Variants in SYNPO observed in about 807,000 individuals in gnomAD.
SYNPO encodes the protein synaptopodin.
In SYNPO, 19 loss-of-function variants were observed where a neutral mutation model predicts 49.5. That is an observed-to-expected ratio of 0.38 (90% confidence interval 0.27 to 0.56). The LOEUF (loss-of-function observed/expected upper bound fraction) is 0.56. Among genes scored for constraint, SYNPO ranks in the 20% least tolerant of loss-of-function variants. SYNPO has a pLI of 0.68. For synonymous variants in SYNPO, 536 were observed against 548.0 expected (o/e 0.98, Z 0.31); for missense variants, 1,131 against 1,248.3 (o/e 0.91, Z 1.42).
chr5:150,586,049 G>T, the SYNPO span, among the ~76,000 whole-genome samples: 1 of 152,262 alleles, frequency 6.6e-6, no homozygotes. Flanking sequence ...GGCTCTGAAG[G>T]TCCTCAGGAT....
intron 2 of SYNPO, among the ~76,000 whole-genome samples, chr5:150,628,149 C>T (rs560003381): frequency 6.6e-6 from 1 of 152,044 alleles, no homozygotes; most frequent in Non-Finnish European, 1.5e-5. Context: ...AACATGGAAG[C>T]AGCCTGTAGG....
intron 2 of SYNPO, among the ~76,000 whole-genome samples, chr5:150,621,334 A>G (rs1028006838): frequency 2.0e-5 from 3 of 152,156 alleles, no homozygotes; most frequent in Non-Finnish European, 2.9e-5. Flanking sequence ...GGCAGAAAAG[A>G]CTTCAGAAGG....
chr5:150,624,867 G>C lies in SYNPO; in HGVS notation c.400+6100G>C. 1.4e-5 allele frequency: 14 copies of C among 985,236 alleles called. No homozygotes were observed. The South Asian group carries it at 6.3e-4, about 45-fold the overall frequency. 61.0% of individuals were successfully genotyped at this position (985,236 alleles called of 1,614,324 possible). On this transcript the variant is annotated intron_variant, in intron 2 of 2. Coordinates refer to the SYNPO transcript ENST00000394243. ...GGACGCGGCCAGGTGTGCCGAGGCG[G>C]CGGCGCCCGGGAGCTCGGGGACCGT...
At chr5:150,603,602 G>A (rs1339384199) in intron 1 of SYNPO, among the ~76,000 whole-genome samples, 3 of 152,206 alleles carry the variant, frequency 2.0e-5, no homozygotes, top group East Asian at 3.8e-4. Context: ...TGCAGCTCTC[G>A]GGACCATTCT....
rs761150754 is a variant in SYNPO, at chr5:150,649,697, C to T, written c.1422C>T (p.Ser474=). 13 of 1,611,878 alleles carry T rather than the reference C, an allele frequency of 8.1e-6. No individual in the cohort carries two copies. In the Admixed American group the frequency reaches 1.2e-4, roughly 14 times the overall value. ...KPKPKPNQNL[S]EASGKGAELY... ...AGCCCAAACCCAACCAGAACCTCTC[C>T]GAGGCCTCTGGGAAGGGAGCTGAGC... Residue 474 remains serine, a synonymous_variant, in exon 2 of 3, where the codon TCC becomes TCT. Coordinates refer to ENST00000307662, the MANE Select transcript of SYNPO (RefSeq NM_007286.6).
At chr5:150,608,777 G>A (rs560025496) in intron 1 of SYNPO, among the ~76,000 whole-genome samples, 40 of 152,278 alleles carry the variant, frequency 2.6e-4, no homozygotes, top group Middle Eastern at 3.4e-3. Flanking sequence ...TTTGTCTGGG[G>A]TGTGGCCAGA....
In SYNPO at chr5:150,633,209, T is replaced by C. The variant is rs1480128793; in HGVS notation, c.400+14442T>C. Among the ~76,000 whole-genome samples, 5 of 152,308 alleles carry C rather than the reference T, an allele frequency of 3.3e-5. No individual in the cohort carries two copies. In the East Asian group the frequency reaches 5.8e-4, roughly 18 times the overall value. On this transcript the variant is annotated intron_variant, in intron 2 of 2. Transcript: ENST00000394243. ...GCCAGAGAGCTAATGTGCAGTAGTA[T>C]AGGTTTCAGGCCTTTGCCTGTGTGA...
At chr5:150,638,428 G>A (rs1757790187), upstream of SYNPO, among the ~76,000 whole-genome samples, 1 of 152,162 alleles carries the variant, frequency 6.6e-6, no homozygotes, top group Admixed American at 6.5e-5. Flanking sequence ...ATGAATCTTG[G>A]ATTTAGACAA....
At chr5:150,610,661 C>T (rs181592419) in intron 1 of SYNPO, among the ~76,000 whole-genome samples, 420 of 151,664 alleles carry the variant, frequency 2.8e-3, no homozygotes, top group Non-Finnish European at 4.7e-3. Context: ...TGAGCATGTA[C>T]ACAGGTTACC....
the SYNPO span, among the ~76,000 whole-genome samples, chr5:150,588,233 A>G: frequency 0.021 from 3,163 of 152,294 alleles, 85 homozygotes; most frequent in African/African-American, 0.062. Context: ...CTCTTGAGCC[A>G]GCCTGGCCAC....
chr5:150,614,278 A>G (rs1485783652), intron 1 of SYNPO, among the ~76,000 whole-genome samples: 1 of 152,206 alleles, frequency 6.6e-6, no homozygotes, highest in African/African-American at 2.4e-5. Context: ...TGCCAAAGCC[A>G]GTGCCCTTCC....
At chr5:150,613,109 C>T (rs1426172375) in intron 1 of SYNPO, among the ~76,000 whole-genome samples, 1 of 152,214 alleles carries the variant, frequency 6.6e-6, no homozygotes, top group East Asian at 1.9e-4. Flanking sequence ...CCTGTGCCAG[C>T]TGCTGAAGAA....
chr5:150,608,032 C>T (rs928247768), intron 1 of SYNPO, among the ~76,000 whole-genome samples: 2 of 152,208 alleles, frequency 1.3e-5, no homozygotes, highest in Non-Finnish European at 2.9e-5. Flanking sequence ...CCATGTTGGA[C>T]GGCACAGTGC....
chr5:150,587,242 G>A, the SYNPO span, among the ~76,000 whole-genome samples: 2 of 152,082 alleles, frequency 1.3e-5, no homozygotes, highest in African/African-American at 4.8e-5. Context: ...GTGGATGGAT[G>A]GATGGATATA....
chr5:150,622,088 G>C (rs888991663), intron 2 of SYNPO, among the ~76,000 whole-genome samples: 4 of 152,226 alleles, frequency 2.6e-5, no homozygotes, highest in African/African-American at 4.8e-5. Context: ...CTGGAACCCA[G>C]GGCTTATGCC....
intron 1 of SYNPO, 117 bp from the exon 2 acceptor site, chr5:150,647,827 C>A: frequency 1.1e-6 from 1 of 939,630 alleles, no homozygotes; most frequent in Non-Finnish European, 1.6e-6. Flanking sequence ...GATTAAATTC[C>A]AGAAGAGATC....
intron 2 of SYNPO, among the ~76,000 whole-genome samples, chr5:150,656,197 C>G (rs1758543891): frequency 6.6e-6 from 1 of 152,076 alleles, no homozygotes; most frequent in Non-Finnish European, 1.5e-5. Flanking sequence ...CTTCTTAACA[C>G]GGAGGCAGAC....
chr5:150,656,742 A>T lies in SYNPO; in HGVS notation c.2367A>T (p.Pro789=), dbSNP rs554668244. ...NPRPFSPPRA[P]PPPPPPPPPP... is the part of the protein sequence containing the mutation. Reference sequence around the variant, plus strand: ...GGCCCTTCTCCCCGCCGAGGGCGCCACCGCCCCCGCCCCCGCCCCCGCCCC... The same window carrying T: ...GGCCCTTCTCCCCGCCGAGGGCGCCTCCGCCCCCGCCCCCGCCCCCGCCCC... Residue 789 remains proline, a synonymous_variant, in exon 3 of 3, where the codon CCA becomes CCT. Coordinates refer to ENST00000307662, the MANE Select transcript of SYNPO (RefSeq NM_007286.6). 1.8e-6 allele frequency: 2 copies of T among 1,098,742 alleles called. No homozygotes were observed. The highest frequency in any genetic ancestry group is 2.3e-6 in the Non-Finnish European group (2 of 877,224). The allele number at this position is 1,098,742 out of a possible 1,614,324, so 68.1% of individuals were successfully genotyped here.
At position 150,656,847 on chromosome 5, in the gene SYNPO, G is replaced by C; in HGVS notation, c.2472G>C (p.Pro824=). The C allele has an allele frequency of 6.7e-7, 1 of 1,499,810 alleles. No homozygotes were observed. Among genetic ancestry groups the C allele is most frequent in the African/African-American group, 1.4e-5 (1 of 70,180 alleles). The allele number at this position is 1,499,810 out of a possible 1,614,324, so 92.9% of individuals were successfully genotyped here. Residue 824 remains proline (P), a synonymous_variant, in exon 3 of 3, where the codon CCG becomes CCC. Transcript: ENST00000307662. The part of the protein sequence containing the change: ...AVPGAAFAPI[P]RSPLPAGPSS... ...CGGGGGCAGCCTTCGCGCCCATCCCGCGGAGCCCGTTGCCCGCCGGTCCTT... is the reference window on the plus strand; with the variant it reads ...CGGGGGCAGCCTTCGCGCCCATCCCCCGGAGCCCGTTGCCCGCCGGTCCTT...
Sources: allele counts gnomAD v4.1 joint callset (sites outside exome capture counted in the v4.1 genomes callset), GRCh38; gene constraint gnomAD v4.1.1; transcripts MANE v1.5; gene names NCBI Gene and HGNC (gene_info 2026-07-23, HGNC 2026-07-21).